NRG1: variants seen among roughly 807,000 people sequenced by gnomAD.
NRG1 encodes the protein neuregulin 1, also known as pro-neuregulin-1, membrane-bound isoform.
NRG1 carries 18 observed loss-of-function variants against 63.8 expected under a neutral mutation model. The observed-to-expected ratio is 0.28, with a 90% CI of 0.19 to 0.42. NRG1 has a LOEUF of 0.42. Among genes scored for constraint, NRG1 ranks in the 10% least tolerant of loss-of-function variants. The pLI is 1.00. For synonymous variants in NRG1, 302 were observed against 301.3 expected, an observed-to-expected ratio of 1.00 and a Z score of -0.02; for missense variants, 762 against 814.7, an observed-to-expected ratio of 0.94 and a Z score of 0.79.
chr8:32,485,693 T>C (rs1353859436), intron 1 of NRG1, among the ~76,000 whole-genome samples: 4 of 152,206 alleles, frequency 2.6e-5, no homozygotes, highest in African/African-American at 9.6e-5. Flanking sequence ...ACCAAACAAG[T>C]AAACAATTGT....
intron 1 of NRG1, among the ~76,000 whole-genome samples, chr8:31,918,102 G>A (rs1207266481): frequency 6.6e-6 from 1 of 152,114 alleles, no homozygotes; most frequent in Admixed American, 6.5e-5. Flanking sequence ...GAGATTTTGG[G>A]CTGAGACAGT....
intron 5 of NRG1, among the ~76,000 whole-genome samples, chr8:32,662,770 A>G (rs1291400181): frequency 6.6e-6 from 1 of 152,190 alleles, no homozygotes; most frequent in Non-Finnish European, 1.5e-5. Flanking sequence ...ATTTCAGTCT[A>G]AGTAGTTGAA....
At chr8:32,156,862 G>A (rs1163950509) in intron 1 of NRG1, among the ~76,000 whole-genome samples, 3 of 152,134 alleles carry the variant, frequency 2.0e-5, no homozygotes, top group African/African-American at 7.2e-5. Flanking sequence ...CATGAGCCTA[G>A]GAGGCTGAAG....
At chr8:31,865,596 T>C in intron 1 of NRG1, among the ~76,000 whole-genome samples, 1 of 152,122 alleles carries the variant, frequency 6.6e-6, no homozygotes, top group Non-Finnish European at 1.5e-5. Flanking sequence ...TCATGACATC[T>C]GATGGTTTTT....
At chr8:32,729,624 G>T (rs191208969) in intron 6 of NRG1, among the ~76,000 whole-genome samples, 1 of 152,166 alleles carries the variant, frequency 6.6e-6, no homozygotes, top group Non-Finnish European at 1.5e-5. Context: ...AATGAAAAAG[G>T]CACCAGAAAT....
intron 1 of NRG1, among the ~76,000 whole-genome samples, chr8:31,961,991 G>A (rs1168074724): frequency 1.2e-5 from 1 of 80,160 alleles, no homozygotes; most frequent in Non-Finnish European, 4.4e-5. Flanking sequence ...CTTTATGGAG[G>A]CATTACTCAT....
chr8:32,391,157 G>C (rs2129483974), intron 1 of NRG1, among the ~76,000 whole-genome samples: 1 of 152,068 alleles, frequency 6.6e-6, no homozygotes. Context: ...GCAGGACAGG[G>C]TCTCACTTTG....
At chr8:31,973,795 G>T (rs1020423129) in intron 1 of NRG1, among the ~76,000 whole-genome samples, 6 of 152,192 alleles carry the variant, frequency 3.9e-5, no homozygotes, top group African/African-American at 1.4e-4. Context: ...AGACCAAATT[G>T]TCTTTAATGA....
chr8:32,213,612 A>C (rs1465049630), intron 1 of NRG1, among the ~76,000 whole-genome samples: 1 of 152,118 alleles, frequency 6.6e-6, no homozygotes, highest in Non-Finnish European at 1.5e-5. Context: ...CCGGAACTTA[A>C]AATTTTAAAA....
chr8:32,473,357 G>A (rs965150579), intron 1 of NRG1, among the ~76,000 whole-genome samples: 5 of 152,098 alleles, frequency 3.3e-5, no homozygotes, highest in Non-Finnish European at 7.4e-5. Context: ...TCTTTTCGAG[G>A]CTCTTCATTT....
At chr8:32,614,446 C>T in intron 3 of NRG1, 68 bp from the exon 4 acceptor site, 2 of 1,480,550 alleles carry the variant, frequency 1.4e-6, no homozygotes, top group Admixed American at 1.7e-5. Flanking sequence ...AGTTCCAAGG[C>T]AGGCTGTGGT....
intron 1 of NRG1, among the ~76,000 whole-genome samples, chr8:31,958,900 C>T (rs1031244792): frequency 1.3e-5 from 2 of 152,124 alleles, no homozygotes; most frequent in Non-Finnish European, 2.9e-5. Flanking sequence ...GTGAGTATTT[C>T]GTTCCCTGCA....
intron 1 of NRG1, among the ~76,000 whole-genome samples, chr8:31,931,908 G>A (rs369828): frequency 0.9 from 136,845 of 152,214 alleles, 62,304 homozygotes; most frequent in African/African-American, 0.97. Flanking sequence ...TCATGTGAAG[G>A]AGCACTGCTC....
intron 1 of NRG1, among the ~76,000 whole-genome samples, chr8:31,917,706 T>C (rs1256547235): frequency 6.6e-6 from 1 of 152,178 alleles, no homozygotes; most frequent in Non-Finnish European, 1.5e-5. Flanking sequence ...TTTGGTTCCA[T>C]ATGAACTTTA....
chr8:31,943,996 C>T (rs1375252828), intron 1 of NRG1, among the ~76,000 whole-genome samples: 1 of 152,196 alleles, frequency 6.6e-6, no homozygotes, highest in African/African-American at 2.4e-5. Flanking sequence ...GGTACACATT[C>T]TTCAGTTGCA....
chr8:31,919,308 G>T (rs1053242996), intron 1 of NRG1, among the ~76,000 whole-genome samples: 6 of 150,768 alleles, frequency 4.0e-5, no homozygotes, highest in Admixed American at 3.3e-4. Context: ...AAACATTTTG[G>T]TTACAGTTTC....
At chr8:32,764,454 A>G (rs780755343) in exon 12 of NRG1, 1 of 1,381,612 alleles carries the variant, frequency 7.2e-7, no homozygotes, top group Non-Finnish European at 9.6e-7. Flanking sequence ...TATATAATAA[A>G]GTATTCCACC....
At chr8:32,303,202 A>G (rs1455095960) in intron 1 of NRG1, among the ~76,000 whole-genome samples, 1 of 149,582 alleles carries the variant, frequency 6.7e-6, no homozygotes, top group Non-Finnish European at 1.5e-5. Context: ...AAAAAAAAAA[A>G]AAAAAGAGAA....
chr8:32,460,759 C>T (rs1159248155), intron 1 of NRG1, among the ~76,000 whole-genome samples: 26 of 152,182 alleles, frequency 1.7e-4, no homozygotes, highest in Non-Finnish European at 7.3e-5. Flanking sequence ...TTATCTATTT[C>T]TCCCTTCTTC....
Sources: allele counts gnomAD v4.1 joint callset (sites outside exome capture counted in the v4.1 genomes callset), GRCh38; gene constraint gnomAD v4.1.1; transcripts MANE v1.5; gene names NCBI Gene and HGNC (gene_info 2026-07-23, HGNC 2026-07-21).